Variants in BMP6 observed in about 807,000 individuals in gnomAD.
BMP6 encodes bone morphogenetic protein 6, also known as VG-1-R.
BMP6 carries 17 observed loss-of-function variants against 54.1 expected under a neutral mutation model. The observed-to-expected ratio is 0.31, with a 90% CI of 0.22 to 0.47. The LOEUF is 0.47. Among genes scored for constraint, BMP6 ranks in the 20% least tolerant of loss-of-function variants. The pLI, the probability that BMP6 is intolerant of heterozygous loss-of-function variation, is 1.00. For missense variants in BMP6, 720 were observed against 690.4 expected, an observed-to-expected ratio of 1.04 and a Z score of -0.48; for synonymous variants, 328 against 291.2, an observed-to-expected ratio of 1.13 and a Z score of -1.28.
chr6:7,813,440 G>T (rs1758469965), intron 1 of BMP6, among the ~76,000 whole-genome samples: 1 of 111,106 alleles, frequency 9.0e-6, no homozygotes, highest in African/African-American at 3.4e-5. Flanking sequence ...GGGCAACATA[G>T]TGAGATCCCT....
intron 1 of BMP6, among the ~76,000 whole-genome samples, chr6:7,829,401 G>C (rs538954808): frequency 2.0e-5 from 3 of 152,124 alleles, no homozygotes; most frequent in South Asian, 2.1e-4. Context: ...GATAAGTAAG[G>C]CTCTTAAAAA....
At chr6:7,796,323 G>A (rs564274244) in intron 1 of BMP6, among the ~76,000 whole-genome samples, 2 of 152,336 alleles carry the variant, frequency 1.3e-5, no homozygotes, top group African/African-American at 4.8e-5. Context: ...GGAATGTTTT[G>A]GCAGATTTTA....
chr6:7,850,734 G>C (rs1327203617), intron 2 of BMP6, among the ~76,000 whole-genome samples: 4 of 152,196 alleles, frequency 2.6e-5, no homozygotes, highest in African/African-American at 9.7e-5. Context: ...CCGAGACGAT[G>C]TGAGATGTAG....
intron 4 of BMP6, among the ~76,000 whole-genome samples, chr6:7,875,014 C>A (rs1368309183): frequency 1.3e-5 from 2 of 152,072 alleles, no homozygotes; most frequent in Admixed American, 1.3e-4. Context: ...CTGCTGTCTG[C>A]AAGCTGGAGA....
At chr6:7,757,495 C>G (rs1462114833) in intron 1 of BMP6, among the ~76,000 whole-genome samples, 7 of 152,058 alleles carry the variant, frequency 4.6e-5, no homozygotes, top group African/African-American at 1.7e-4. Context: ...GATTAAGGGC[C>G]CACCCTACTC....
At chr6:7,829,250 A>AT (rs946391733) in intron 1 of BMP6, among the ~76,000 whole-genome samples, 5 of 152,152 alleles carry the variant, frequency 3.3e-5, no homozygotes, top group South Asian at 2.1e-4. Context: ...CATTTTGTGG[A>AT]TTTTTTATGT....
rs527934449 is a variant in BMP6 at position 7,880,533 on chromosome 6, G to T, written c.*190G>T. On this transcript the variant is annotated 3_prime_UTR_variant, in exon 7 of 7. Transcript: ENST00000283147. ...TTTGCTCACTTGGTAAATGACGTGA[G>T]TAGTTGTTGGTCTGTAGCAAGCTGA... is the stretch of plus-strand genomic sequence containing the variant. The T allele has an allele frequency of 1.4e-6, 1 of 734,084 alleles. No individual in the cohort carries two copies. The highest frequency in any genetic ancestry group is 2.7e-5 in the East Asian group (1 of 36,758). The allele number at this position is 734,084 out of a possible 1,614,324, so 45.5% of individuals were successfully genotyped here. A position where few individuals can be genotyped will look rare whatever the true frequency, so the allele number is the denominator to read the frequency against.
chr6:7,741,423 G>A (rs1243010781), intron 1 of BMP6, among the ~76,000 whole-genome samples: 1 of 151,604 alleles, frequency 6.6e-6, no homozygotes, highest in African/African-American at 2.4e-5. Context: ...AGCCTCTTGA[G>A]TAGCTGGACT....
intron 1 of BMP6, among the ~76,000 whole-genome samples, chr6:7,744,662 T>A (rs1757320186): frequency 6.6e-6 from 1 of 152,336 alleles, no homozygotes; most frequent in South Asian, 2.1e-4. Context: ...TCTGTCAAGA[T>A]ACAGAACATT....
chr6:7,854,274 G>T (rs1006016529), intron 2 of BMP6, among the ~76,000 whole-genome samples: 1 of 152,120 alleles, frequency 6.6e-6, no homozygotes, highest in Admixed American at 6.5e-5. Flanking sequence ...AGGCCATGCC[G>T]GTGGTTAAGA....
chr6:7,739,674 A>T (rs1762013277), intron 1 of BMP6, among the ~76,000 whole-genome samples: 3 of 151,598 alleles, frequency 2.0e-5, no homozygotes, highest in Admixed American at 6.6e-5. Flanking sequence ...TTTGTGAAAT[A>T]ACTGTCCCCT....
At chr6:7,810,096 G>A (rs977981978) in intron 1 of BMP6, among the ~76,000 whole-genome samples, 1 of 152,028 alleles carries the variant, frequency 6.6e-6, no homozygotes, top group Non-Finnish European at 1.5e-5. Flanking sequence ...TTATTTTCTT[G>A]GTTAATTGTA....
chr6:7,727,959 G>A (rs1175054150), intron 1 of BMP6, among the ~76,000 whole-genome samples: 1 of 152,022 alleles, frequency 6.6e-6, no homozygotes, highest in African/African-American at 2.4e-5. Flanking sequence ...GCTCTGGCCA[G>A]GTTAACTCAA....
intron 1 of BMP6, among the ~76,000 whole-genome samples, chr6:7,747,137 C>A (rs1396965665): frequency 1.3e-5 from 2 of 152,194 alleles, no homozygotes; most frequent in Non-Finnish European, 2.9e-5. Flanking sequence ...GGCAGCCCTG[C>A]GTATGGGAGA....
chr6:7,774,012 T>C lies in BMP6; in HGVS notation c.664+46393T>C, dbSNP rs112723537. On this transcript the variant is annotated intron_variant, in intron 1 of 6. Transcript: ENST00000283147. ...CACCTCTGTTATTTCCAGAGAGACGTGGTCATTCCAGCCTCACCTGCCGGA... is the reference window on the plus strand; with the variant it reads ...CACCTCTGTTATTTCCAGAGAGACGCGGTCATTCCAGCCTCACCTGCCGGA... Among the ~76,000 whole-genome samples, 935 of 152,292 alleles carry C rather than the reference T, an allele frequency of 6.1e-3. 7 individuals are homozygous for C. Among genetic ancestry groups the C allele is most frequent in the African/African-American group, 0.022 (905 of 41,562 alleles).
At chr6:7,743,537 C>T (rs1329651373) in intron 1 of BMP6, among the ~76,000 whole-genome samples, 2 of 152,132 alleles carry the variant, frequency 1.3e-5, no homozygotes, top group Non-Finnish European at 2.9e-5. Context: ...ACTTTGTTTT[C>T]AGGGCAGGAT....
In BMP6 at chr6:7,754,721, GTTGT is replaced by G. The variant is rs369430713; in HGVS notation, c.664+27114_664+27117del. Among the ~76,000 whole-genome samples the G allele has an allele frequency of 2.5e-3, 385 of 152,114 alleles. 2 individuals are homozygous for G. Among genetic ancestry groups the G allele is most frequent in the African/African-American group, 8.8e-3 (365 of 41,504 alleles). On this transcript the variant is annotated intron_variant, in intron 1 of 6. Transcript: ENST00000283147. ...TAATGTTCTAACCTTTTTTGTTGTTGTTGTTTGTTTGTTTGAGACAGAGTCTCGC... is the reference window on the plus strand; with the variant it reads ...TAATGTTCTAACCTTTTTTGTTGTTGTTGTTTGTTTGAGACAGAGTCTCGC...
At chr6:7,753,581 C>A (rs1757458670) in intron 1 of BMP6, among the ~76,000 whole-genome samples, 1 of 152,166 alleles carries the variant, frequency 6.6e-6, no homozygotes, top group African/African-American at 2.4e-5. Flanking sequence ...ACCCATATTA[C>A]AAAGAGCTTG....
chr6:7,736,439 T>C lies in BMP6; in HGVS notation c.664+8820T>C, dbSNP rs146584484. Reference sequence around the variant, plus strand: ...CTTACATTAAAACTTAATGTGACTTTAGAATTGAGAAACTGACAAAATATC... The same window carrying C: ...CTTACATTAAAACTTAATGTGACTTCAGAATTGAGAAACTGACAAAATATC... On this transcript the variant is annotated intron_variant, in intron 1 of 6. Transcript: ENST00000283147. Among the ~76,000 whole-genome samples the C allele has an allele frequency of 2.4e-4, 36 of 152,348 alleles. 1 individual carries two copies. The highest frequency in any genetic ancestry group is 6.8e-3 in the Middle Eastern group (2 of 294).
Sources: gnomAD v4.1 joint callset for allele counts (sites outside exome capture counted in the v4.1 genomes callset) on GRCh38, gnomAD v4.1.1 for gene constraint, MANE v1.5 for transcripts, NCBI Gene and HGNC (gene_info 2026-07-23, HGNC 2026-07-21) for gene names.